Variants in GPC5 observed in about 807,000 individuals in gnomAD.
GPC5 encodes the protein glypican 5.
A neutral mutation model predicts 53.9 loss-of-function variants in GPC5; 47 were observed. The ratio of observed to expected loss-of-function variants is 0.87; its 90% CI spans 0.69 to 1.11. GPC5 has a LOEUF of 1.11. Among genes scored for constraint, GPC5 ranks in the 50% most tolerant of loss-of-function variants. The pLI is 0.00. For missense variants in GPC5, 748 were observed against 713.1 expected, an observed-to-expected ratio of 1.05 and a Z score of -0.56; for synonymous variants, 286 against 263.3, an observed-to-expected ratio of 1.09 and a Z score of -0.84.
chr13:91,681,206 T>C (rs2035500882), intron 2 of GPC5, among the ~76,000 whole-genome samples: 1 of 152,174 alleles, frequency 6.6e-6, no homozygotes, highest in South Asian at 2.1e-4. Flanking sequence ...TGCTATATTT[T>C]GAGCAAGATG....
At chr13:92,042,649 G>T (rs561858667) in intron 6 of GPC5, among the ~76,000 whole-genome samples, 1 of 152,154 alleles carries the variant, frequency 6.6e-6, no homozygotes, top group Non-Finnish European at 1.5e-5. Flanking sequence ...CAGATTTGCT[G>T]CAATGTATTA....
At chr13:91,982,261 A>T (rs1457238538) in intron 6 of GPC5, among the ~76,000 whole-genome samples, 3 of 152,226 alleles carry the variant, frequency 2.0e-5, no homozygotes, top group Non-Finnish European at 4.4e-5. Context: ...GAAAATGTTC[A>T]TTCTCTTTAA....
At chr13:91,407,085 T>G (rs1322263856) in intron 1 of GPC5, among the ~76,000 whole-genome samples, 1 of 152,244 alleles carries the variant, frequency 6.6e-6, no homozygotes, top group Non-Finnish European at 1.5e-5. Context: ...ATTTGTAGAA[T>G]TGAATCTTAT....
intron 7 of GPC5, among the ~76,000 whole-genome samples, chr13:92,173,513 TC>T (rs541398346): frequency 1.8e-3 from 280 of 152,358 alleles, no homozygotes; most frequent in South Asian, 3.3e-3. Flanking sequence ...ACAAACCCTT[TC>T]CTTTTGTTCT....
At chr13:92,144,551 G>T (rs372779091) in intron 6 of GPC5, among the ~76,000 whole-genome samples, 6 of 152,242 alleles carry the variant, frequency 3.9e-5, no homozygotes, top group Admixed American at 3.9e-4. Flanking sequence ...TAGACAAACT[G>T]CCATAAGCAA....
chr13:92,458,977 G>T (rs1330833519), intron 7 of GPC5, among the ~76,000 whole-genome samples: 1 of 152,020 alleles, frequency 6.6e-6, no homozygotes, highest in East Asian at 1.9e-4. Flanking sequence ...ATTAATATAT[G>T]CACCCTAATA....
At chr13:92,186,413 A>G (rs549452268) in intron 7 of GPC5, among the ~76,000 whole-genome samples, 2 of 152,074 alleles carry the variant, frequency 1.3e-5, no homozygotes, top group South Asian at 4.1e-4. Flanking sequence ...TATGTGTAAT[A>G]TAATATTTGT....
chr13:91,530,112 C>G (rs902282047), intron 2 of GPC5, among the ~76,000 whole-genome samples: 2 of 152,168 alleles, frequency 1.3e-5, no homozygotes, highest in Non-Finnish European at 2.9e-5. Flanking sequence ...TACAGTTGCA[C>G]CATTTTGCGA....
At chr13:91,469,821 C>T (rs1158470358) in intron 2 of GPC5, among the ~76,000 whole-genome samples, 3 of 152,080 alleles carry the variant, frequency 2.0e-5, no homozygotes, top group African/African-American at 7.2e-5. Flanking sequence ...GGGTGGATCA[C>T]GTGATGTCAG....
chr13:91,562,619 A>ATTTTTT (rs35271520), intron 2 of GPC5, among the ~76,000 whole-genome samples: 34 of 126,052 alleles, frequency 2.7e-4, no homozygotes, highest in African/African-American at 7.9e-4. Context: ...ATGCCTGGCT[A>ATTTTTT]TTTTTTTTTT....
At chr13:92,154,100 T>C (rs531824871) in intron 7 of GPC5, among the ~76,000 whole-genome samples, 1 of 152,276 alleles carries the variant, frequency 6.6e-6, no homozygotes, top group East Asian at 1.9e-4. Flanking sequence ...GCTTACAAAC[T>C]GGTGGGAGAC....
At chr13:91,424,556 G>T (rs971022974) in intron 1 of GPC5, among the ~76,000 whole-genome samples, 1 of 151,834 alleles carries the variant, frequency 6.6e-6, no homozygotes, top group Non-Finnish European at 1.5e-5. Context: ...AAGTAGAGAC[G>T]GGGTTTCATC....
chr13:92,800,837 A>G (rs550060086), intron 7 of GPC5, among the ~76,000 whole-genome samples: 1 of 151,932 alleles, frequency 6.6e-6, no homozygotes, highest in African/African-American at 2.4e-5. Flanking sequence ...ACCTTGACGG[A>G]AAGTTAAATT....
At chr13:92,291,909 G>A (rs1286530955) in intron 7 of GPC5, among the ~76,000 whole-genome samples, 14 of 152,074 alleles carry the variant, frequency 9.2e-5, no homozygotes, top group Non-Finnish European at 1.6e-4. Context: ...ACCCCACCAG[G>A]AGGAAGAAAC....
At chr13:91,588,471 T>C (rs146071854) in intron 2 of GPC5, among the ~76,000 whole-genome samples, 42 of 152,254 alleles carry the variant, frequency 2.8e-4, no homozygotes, top group African/African-American at 9.4e-4. Flanking sequence ...GTGCCACTTT[T>C]ATGAGAGAGT....
intron 7 of GPC5, among the ~76,000 whole-genome samples, chr13:92,512,274 T>C (rs897323939): frequency 1.3e-5 from 2 of 152,150 alleles, no homozygotes; most frequent in African/African-American, 4.8e-5. Context: ...GTACGCTGTG[T>C]GCATGCACGC....
intron 7 of GPC5, among the ~76,000 whole-genome samples, chr13:92,260,757 T>C (rs2042760857): frequency 6.6e-6 from 1 of 152,204 alleles, no homozygotes; most frequent in African/African-American, 2.4e-5. Flanking sequence ...TATGTTTTCT[T>C]GGTAGAAAGA....
intron 6 of GPC5, among the ~76,000 whole-genome samples, chr13:91,917,550 T>C (rs751998870): frequency 2.0e-5 from 3 of 152,228 alleles, no homozygotes; most frequent in Non-Finnish European, 4.4e-5. Flanking sequence ...GAGATTCTGT[T>C]TGGGGGTTCA....
At chr13:92,316,979 A>G (rs1197763565) in intron 7 of GPC5, among the ~76,000 whole-genome samples, 1 of 152,194 alleles carries the variant, frequency 6.6e-6, no homozygotes, top group African/African-American at 2.4e-5. Context: ...TTTTCTCTGC[A>G]TAGAATCTTT....
Sources: allele counts gnomAD v4.1 joint callset (sites outside exome capture counted in the v4.1 genomes callset), GRCh38; gene constraint gnomAD v4.1.1; transcripts MANE v1.5; gene names NCBI Gene and HGNC (gene_info 2026-07-23, HGNC 2026-07-21).